The following RAB33A variants were observed in gnomAD, a reference collection of about 807,000 sequenced individuals.
RAB33A encodes the protein ras-related protein Rab-33A.
A neutral mutation model predicts 12.0 loss-of-function variants in RAB33A; 6 were observed. The ratio of observed to expected loss-of-function variants is 0.50; its 90% confidence interval spans 0.27 to 0.99. RAB33A has a LOEUF of 0.99. RAB33A is among the 50% of genes least tolerant of loss of function. RAB33A has a pLI of 0.11. For missense variants in RAB33A, 109 were observed against 192.0 expected (o/e 0.57, Z 2.55); for synonymous variants, 70 against 82.4 (o/e 0.85, Z 0.81).
chrX:130,151,508 A>C, the RAB33A span, among the ~76,000 whole-genome samples: 1 of 111,729 alleles, frequency 9.0e-6, no homozygotes, highest in Non-Finnish European at 1.9e-5. Context: ...ATGTGCTGCA[A>C]TTGAGGAACC....
chrX:130,153,141 T>C, the RAB33A span, among the ~76,000 whole-genome samples: 2 of 94,388 alleles, frequency 2.1e-5, no homozygotes, highest in African/African-American at 4.0e-5. Context: ...GAGACCATTC[T>C]GGCTAACACA....
At chrX:130,112,089 C>T in the RAB33A span, among the ~76,000 whole-genome samples, 2 of 111,893 alleles carry the variant, frequency 1.8e-5, no homozygotes, top group Admixed American at 9.5e-5. Context: ...AGGCGCAGGA[C>T]TGGGGGACAG....
intron 1 of RAB33A, among the ~76,000 whole-genome samples, chrX:130,181,956 A>G (rs2031730782): frequency 9.3e-6 from 1 of 107,719 alleles, no homozygotes; most frequent in Non-Finnish European, 1.9e-5. Context: ...TCAAAATAAT[A>G]AATAAATAAA....
chrX:130,164,459 C>T, the RAB33A span, among the ~76,000 whole-genome samples: 1 of 112,517 alleles, frequency 8.9e-6, no homozygotes, highest in East Asian at 2.8e-4. Flanking sequence ...ATTTTTAAAG[C>T]ACCCAGGTGT....
chrX:130,163,607 G>T, the RAB33A span, among the ~76,000 whole-genome samples: 3 of 112,041 alleles, frequency 2.7e-5, no homozygotes, highest in Non-Finnish European at 5.6e-5. Flanking sequence ...GGATGGATAT[G>T]TCAGGAAGTC....
rs139578601 is a variant in RAB33A, at chrX:130,174,647, C to T, written c.258+2327C>T. Among the ~76,000 whole-genome samples, 312 of 111,987 alleles carry T rather than the reference C, an allele frequency of 2.8e-3. 1 individual carries two copies. Among genetic ancestry groups the T allele is most frequent in the African/African-American group, 9.5e-3 (293 of 30,840 alleles). On this transcript the variant is annotated intron_variant, in intron 1 of 1. Coordinates refer to ENST00000257017, the MANE Select transcript of RAB33A (RefSeq NM_004794.3). ...GTGACAGTCCGAGGTCTGGCCTAGA[C>T]CATGGCCAGCAATAGAAGGCTTTTG...
At chrX:130,146,044 TC>T in the RAB33A span, among the ~76,000 whole-genome samples, 1 of 112,272 alleles carries the variant, frequency 8.9e-6, no homozygotes, top group Admixed American at 9.5e-5. Flanking sequence ...AAATGGGTTG[TC>T]CAGAATGGTG....
chrX:130,184,051 G>A (rs1321845479), intron 1 of RAB33A, among the ~76,000 whole-genome samples: 3 of 111,532 alleles, frequency 2.7e-5, no homozygotes, highest in Non-Finnish European at 3.8e-5. Context: ...CACCATGCCC[G>A]GCTAATTTTG....
At chrX:130,115,663 A>G in the RAB33A span, among the ~76,000 whole-genome samples, 36,223 of 99,281 alleles carry the variant, frequency 0.36, 5,885 homozygotes, top group African/African-American at 0.57. Flanking sequence ...GAAAGAGAGA[A>G]AGAGAGAGAG....
chrX:130,116,739 A>T, the RAB33A span, among the ~76,000 whole-genome samples: 1 of 112,300 alleles, frequency 8.9e-6, no homozygotes, highest in African/African-American at 3.2e-5. Context: ...TGTACTGGGG[A>T]TGGAGGTGGA....
the RAB33A span, among the ~76,000 whole-genome samples, chrX:130,130,444 G>C: frequency 8.9e-6 from 1 of 111,968 alleles, no homozygotes; most frequent in East Asian, 2.8e-4. Flanking sequence ...TTCATGCTAT[G>C]AATATTTCCT....
At chrX:130,135,154 C>G in the RAB33A span, among the ~76,000 whole-genome samples, 1 of 108,359 alleles carries the variant, frequency 9.2e-6, no homozygotes, top group Admixed American at 9.9e-5. Context: ...ATGATCTCCA[C>G]TCACTGCAGC....
chrX:130,184,354 G>A lies in RAB33A; in HGVS notation c.328G>A (p.Val110Ile). 3 of 1,211,848 alleles carry A rather than the reference G, an allele frequency of 2.5e-6. No individual in the cohort carries two copies. Among genetic ancestry groups the A allele is most frequent in the Non-Finnish European group, 3.4e-6 (3 of 895,510 alleles). Residue 110 changes from valine to isoleucine, a missense_variant, in exon 2 of 2, where the codon GTA becomes ATA. Coordinates refer to ENST00000257017, the MANE Select transcript of RAB33A (RefSeq NM_004794.3). ...CATGGTCGAGCATTACTACCGCAACGTACATGCCGTGGTCTTCGTCTATGA... is the reference window on the plus strand; with the variant it reads ...CATGGTCGAGCATTACTACCGCAACATACATGCCGTGGTCTTCGTCTATGA... Reference protein sequence around the residue: ...KSMVEHYYRNVHAVVFVYDVT... With the variant: ...KSMVEHYYRNIHAVVFVYDVT...
chrX:130,138,578 C>T, the RAB33A span: 1 of 1,143,719 alleles, frequency 8.7e-7, no homozygotes, highest in South Asian at 1.8e-5. Flanking sequence ...ATCAAGGTCA[C>T]TCCTCAATAC....
the RAB33A span, among the ~76,000 whole-genome samples, chrX:130,117,532 G>T: frequency 9.0e-6 from 1 of 111,654 alleles, no homozygotes; most frequent in Non-Finnish European, 1.9e-5. Flanking sequence ...TTTGGAGGGT[G>T]TGGGAGATGG....
At chrX:130,138,657 T>C in the RAB33A span, 1 of 1,210,405 alleles carries the variant, frequency 8.3e-7, no homozygotes, top group Non-Finnish European at 1.1e-6. Flanking sequence ...TCGTAATTGA[T>C]TTGACTTCCC....
chrX:130,147,556 A>C, the RAB33A span: 1 of 1,212,212 alleles, frequency 8.2e-7, no homozygotes, highest in Non-Finnish European at 1.1e-6. Context: ...GTCATCTGAA[A>C]ACCACAGTTC....
At chrX:130,171,683 G>A, upstream of RAB33A, 1 of 193,044 alleles carries the variant, frequency 5.2e-6, no homozygotes. Flanking sequence ...AGGGGAGGGT[G>A]TGGGCCGAGG....
At chrX:130,115,389 A>G in the RAB33A span, among the ~76,000 whole-genome samples, 1 of 111,914 alleles carries the variant, frequency 8.9e-6, no homozygotes, top group Admixed American at 9.5e-5. Flanking sequence ...GAGGCAGATG[A>G]ATCACCTGAG....
Sources: gnomAD v4.1 joint callset for allele counts (sites outside exome capture counted in the v4.1 genomes callset) on GRCh38, gnomAD v4.1.1 for gene constraint, MANE v1.5 for transcripts, NCBI Gene and HGNC (gene_info 2026-07-23, HGNC 2026-07-21) for gene names.